The following PTPRT variants were observed in gnomAD, a reference collection of about 807,000 sequenced individuals.
The protein encoded by PTPRT is receptor-type tyrosine-protein phosphatase T.
Under a neutral mutation model 176.8 loss-of-function variants are expected in PTPRT, and 56 were observed. The observed-to-expected ratio is 0.32, with a 90% CI of 0.26 to 0.40. The LOEUF is 0.40. PTPRT is among the 10% of genes least tolerant of loss of function. The pLI, the probability that PTPRT is intolerant of heterozygous loss-of-function variation, is 1.00. For missense variants in PTPRT, 1,540 were observed against 1,908.2 expected (o/e 0.81, Z 3.60); for synonymous variants, 783 against 739.0 (o/e 1.06, Z -0.96).
intron 6 of PTPRT, among the ~76,000 whole-genome samples, chr20:42,733,298 G>A (rs1011031757): frequency 3.9e-5 from 6 of 152,150 alleles, no homozygotes; most frequent in Non-Finnish European, 8.8e-5. Flanking sequence ...TAGACGAGGG[G>A]GGTTCACTCT....
At chr20:42,721,440 G>C (rs1405699604) in intron 6 of PTPRT, among the ~76,000 whole-genome samples, 1 of 152,148 alleles carries the variant, frequency 6.6e-6, no homozygotes, top group Non-Finnish European at 1.5e-5. Flanking sequence ...GTGGTGGGTG[G>C]GCAGCGAATA....
At position 43,025,272 on chromosome 20, in the gene PTPRT, T is replaced by C. The variant is rs905415390; in HGVS notation, c.89-139340A>G. Among the ~76,000 whole-genome samples, 63 of 152,214 alleles carry C rather than the reference T, an allele frequency of 4.1e-4. 2 individuals carry two copies. Among genetic ancestry groups the C allele is most frequent in the Non-Finnish European group, 7.3e-5 (5 of 68,044 alleles). On this transcript the variant is annotated intron_variant, in intron 1 of 30. Transcript: ENST00000373187. ...GCACAGCTGTGTATGCACAAACACA[T>C]ACACACAAGGTCTCCTAATGACTAT...
At chr20:42,986,278 G>A (rs1600623733) in intron 1 of PTPRT, among the ~76,000 whole-genome samples, 1 of 152,222 alleles carries the variant, frequency 6.6e-6, no homozygotes, top group Non-Finnish European at 1.5e-5. Context: ...TTAGGTGGGA[G>A]GGCACAGACC....
At chr20:42,232,385 G>C (rs937897885) in intron 15 of PTPRT, among the ~76,000 whole-genome samples, 18 of 152,276 alleles carry the variant, frequency 1.2e-4, no homozygotes, top group African/African-American at 4.3e-4. Context: ...AATCACCTGC[G>C]ACCTTGTTAC....
chr20:42,402,373 C>G (rs1224888042), intron 9 of PTPRT, among the ~76,000 whole-genome samples: 2 of 151,344 alleles, frequency 1.3e-5, no homozygotes, highest in African/African-American at 4.9e-5. Flanking sequence ...ATAATTGGGC[C>G]CAAGAGGCTG....
chr20:42,625,404 C>T (rs2074271148), intron 7 of PTPRT, among the ~76,000 whole-genome samples: 1 of 151,682 alleles, frequency 6.6e-6, no homozygotes, highest in African/African-American at 2.4e-5. Flanking sequence ...TATAGAGCAC[C>T]TAGCATATGA....
intron 6 of PTPRT, among the ~76,000 whole-genome samples, chr20:42,702,615 G>A (rs1008832118): frequency 6.6e-6 from 1 of 152,198 alleles, no homozygotes; most frequent in African/African-American, 2.4e-5. Context: ...GCACCCCTGG[G>A]AGGGCTGCCC....
intron 1 of PTPRT, among the ~76,000 whole-genome samples, chr20:43,062,077 C>G (rs550297881): frequency 1.2e-4 from 18 of 152,204 alleles, no homozygotes; most frequent in Admixed American, 4.6e-4. Context: ...TCACTGGTTG[C>G]CTGGGGCTTA....
At chr20:42,266,780 T>A (rs2056845159) in intron 13 of PTPRT, among the ~76,000 whole-genome samples, 1 of 152,110 alleles carries the variant, frequency 6.6e-6, no homozygotes, top group African/African-American at 2.4e-5. Flanking sequence ...ATTCACCAAC[T>A]AGGGACAAAG....
chr20:42,385,750 G>A (rs2058738561), intron 9 of PTPRT, among the ~76,000 whole-genome samples: 1 of 152,090 alleles, frequency 6.6e-6, no homozygotes, highest in African/African-American at 2.4e-5. Context: ...CTTGTGCAGG[G>A]GGAACTCCCA....
intron 1 of PTPRT, among the ~76,000 whole-genome samples, chr20:42,898,705 G>A (rs2079346815): frequency 6.6e-6 from 1 of 152,140 alleles, no homozygotes; most frequent in Admixed American, 6.5e-5. Flanking sequence ...ACATCATGGG[G>A]TATGGCAAGC....
At chr20:43,087,384 TTTTTC>T (rs574704310) in intron 1 of PTPRT, among the ~76,000 whole-genome samples, 914 of 53,850 alleles carry the variant, frequency 0.017, 20 homozygotes, top group Non-Finnish European at 0.032. Context: ...TTTTTTTTTT[TTTTTC>T]TCCGAAACAG....
rs992933673 is a variant in PTPRT at position 43,136,002 on chromosome 20, A to G, written c.88+53644T>C. Among the ~76,000 whole-genome samples the G allele has an allele frequency of 2.0e-5, 3 of 152,240 alleles. No individual in the cohort carries two copies. In the South Asian group the frequency reaches 6.2e-4, roughly 32 times the overall value. ...ATCACTTGGTGCTTAAATCCACAGC[A>G]AAGTGGAAATAGTCAGCTATTAAGC... is the stretch of plus-strand genomic sequence containing the variant. On this transcript the variant is annotated intron_variant, in intron 1 of 30. Coordinates refer to ENST00000373187, the MANE Select transcript of PTPRT (RefSeq NM_007050.6).
intron 16 of PTPRT, among the ~76,000 whole-genome samples, chr20:42,184,521 T>TCCTCCTCCTCCTC (rs1990653793): frequency 9.3e-6 from 1 of 107,434 alleles, no homozygotes; most frequent in African/African-American, 3.6e-5. Context: ...TCCTCCTCCT[T>TCCTCCTCCTCCTC]CTTCTTCTTC....
intron 7 of PTPRT, among the ~76,000 whole-genome samples, chr20:42,555,820 C>T (rs978581085): frequency 6.6e-6 from 1 of 152,156 alleles, no homozygotes; most frequent in Non-Finnish European, 1.5e-5. Flanking sequence ...AGGGCTGGTC[C>T]TCCCACCTGC....
At chr20:42,443,134 G>A (rs6016796) in intron 9 of PTPRT, among the ~76,000 whole-genome samples, 47,669 of 152,102 alleles carry the variant, frequency 0.31, 8,025 homozygotes, top group Middle Eastern at 0.43. Flanking sequence ...AAATGATCAC[G>A]TTATTCATGC....
intron 2 of PTPRT, among the ~76,000 whole-genome samples, chr20:42,823,039 A>G (rs1204874214): frequency 6.6e-6 from 1 of 152,208 alleles, no homozygotes; most frequent in East Asian, 1.9e-4. Flanking sequence ...ATTACTGGGT[A>G]TATACCCAGA....
At chr20:42,658,750 C>A in intron 7 of PTPRT, among the ~76,000 whole-genome samples, 1 of 152,134 alleles carries the variant, frequency 6.6e-6, no homozygotes, top group East Asian at 1.9e-4. Flanking sequence ...ATGTATGTCT[C>A]CCCCATTAGT....
chr20:42,788,122 G>A (rs1569157310), intron 3 of PTPRT, among the ~76,000 whole-genome samples: 1 of 152,078 alleles, frequency 6.6e-6, no homozygotes, highest in African/African-American at 2.4e-5. Context: ...AGTGACACGT[G>A]TTAAAAACAA....
Sources: gnomAD v4.1 joint callset for allele counts (sites outside exome capture counted in the v4.1 genomes callset) on GRCh38, gnomAD v4.1.1 for gene constraint, MANE v1.5 for transcripts, NCBI Gene and HGNC (gene_info 2026-07-23, HGNC 2026-07-21) for gene names.